Variants in RAP1GAP observed in about 807,000 individuals in gnomAD.
The protein encoded by RAP1GAP is rap1 GTPase-activating protein 1.
Under a neutral mutation model 87.2 loss-of-function variants are expected in RAP1GAP, and 35 were observed. That is an observed-to-expected ratio of 0.40 (90% confidence interval 0.31 to 0.53). The LOEUF (loss-of-function observed/expected upper bound fraction) is 0.53, where lower values mean the gene tolerates loss of function less well. RAP1GAP is among the 20% of genes least tolerant of loss of function. The pLI is 0.48. For missense variants in RAP1GAP, 734 were observed against 898.9 expected (o/e 0.82, Z 2.35); for synonymous variants, 375 against 363.9 (o/e 1.03, Z -0.35).
In RAP1GAP at chr1:21,617,943, G is replaced by T. The variant is rs202202306; in HGVS notation, c.96C>A (p.Ser32Arg). Residue 32 changes from serine to arginine, a missense_variant, in exon 6 of 25, where the codon AGC becomes AGA. This residue lies in a region of RAP1GAP where 485 missense variants were observed against 646.2 expected (regional missense o/e 0.75). Transcript: ENST00000374765. ...KTEEDYIPYPSVHEVLGREGP... is the reference protein window; with the variant it reads ...KTEEDYIPYPRVHEVLGREGP... ...GGTTCTAGCTGAGTACCTCGTGCAC[G>T]CTCGGGTATGGAATGTAGTCCTCCT... 1.2e-6 allele frequency: 2 copies of T among 1,614,104 alleles called. No individual in the cohort carries two copies. The highest frequency in any genetic ancestry group is 2.7e-5 in the African/African-American group (2 of 75,036).
At chr1:21,602,963 GC>G (rs3215988) in intron 18 of RAP1GAP, 50 bp from the exon 19 acceptor site, 977,046 of 1,292,248 alleles carry the variant, frequency 0.76, 373,054 homozygotes, top group South Asian at 0.78. Flanking sequence ...GAGCCCCAGT[GC>G]CCCCCCCACA....
In RAP1GAP at chr1:21,602,792, C is replaced by T. The variant is rs2069934408; in HGVS notation, c.1538+12G>A. On this transcript the variant is annotated intron_variant, in intron 19 of 24. Transcript: ENST00000374765. ...ATGCAGGGGAATGGGGCACTGTCCC[C>T]CACTCACCCACCTCTTCTCCTGCAC... 1 of 1,598,122 alleles carries T rather than the reference C, an allele frequency of 6.3e-7. No homozygotes were observed. Among genetic ancestry groups the T allele is most frequent in the Non-Finnish European group, 8.5e-7 (1 of 1,173,246 alleles).
At chr1:21,632,786 A>C (rs1435856190) in intron 2 of RAP1GAP, among the ~76,000 whole-genome samples, 1 of 152,020 alleles carries the variant, frequency 6.6e-6, no homozygotes, top group African/African-American at 2.4e-5. Flanking sequence ...CTATAGTCTC[A>C]GGCACTCAGG....
At chr1:21,604,792 G>C (rs1357583787) in intron 18 of RAP1GAP, among the ~76,000 whole-genome samples, 2 of 151,792 alleles carry the variant, frequency 1.3e-5, no homozygotes, top group East Asian at 3.9e-4. Context: ...TGGATGGATG[G>C]ATGGATCGGT....
intron 3 of RAP1GAP, among the ~76,000 whole-genome samples, chr1:21,621,103 C>T (rs2086986769): frequency 6.6e-6 from 1 of 152,150 alleles, no homozygotes; most frequent in Non-Finnish European, 1.5e-5. Context: ...GGTCCAAGTA[C>T]CAGGAGAGAT....
At position 21,596,305 on chromosome 1, in the gene RAP1GAP, G is replaced by C. The variant is rs1379501611; in HGVS notation, c.*994C>G. On this transcript the variant is annotated 3_prime_UTR_variant, in exon 25 of 25. Coordinates refer to ENST00000374765, the MANE Select transcript of RAP1GAP (RefSeq NM_002885.4). ...AGGGGCTTCCAAAATGGGTATTGGGGCCAGGAGGCTGGCCTTTGGCGTGAC... is the reference window on the plus strand; with the variant it reads ...AGGGGCTTCCAAAATGGGTATTGGGCCCAGGAGGCTGGCCTTTGGCGTGAC... The C allele has an allele frequency of 6.6e-6, 1 of 152,300 alleles. No homozygotes were observed. Among genetic ancestry groups the C allele is most frequent in the African/African-American group, 2.4e-5 (1 of 41,472 alleles). 9.4% of individuals were successfully genotyped at this position (152,300 alleles called of 1,614,324 possible).
intron 1 of RAP1GAP, 46 bp from the exon 2 acceptor site, chr1:21,649,842 C>T (rs756737162): frequency 1.6e-5 from 24 of 1,542,550 alleles, no homozygotes; most frequent in Non-Finnish European, 1.8e-6. Context: ...CATCCCTTCT[C>T]ACCAGCTTGG....
intron 3 of RAP1GAP, among the ~76,000 whole-genome samples, chr1:21,620,711 C>T (rs536521241): frequency 7.9e-5 from 12 of 152,184 alleles, no homozygotes; most frequent in Admixed American, 2.0e-4. Context: ...GCATCCCTGC[C>T]GGCTGGCCCG....
intron 1 of RAP1GAP, chr1:21,665,117 A>G (rs2097296928): frequency 2.8e-6 from 1 of 353,510 alleles, no homozygotes; most frequent in African/African-American, 2.1e-5. Context: ...GCTTGCATTC[A>G]CCTTCTTATC....
Position 21,613,802 on chromosome 1 carries a change from A to G in RAP1GAP, c.396-96T>C. The G allele has an allele frequency of 1.5e-6, 2 of 1,298,610 alleles. No individual in the cohort carries two copies. The highest frequency in any genetic ancestry group is 2.2e-6 in the Non-Finnish European group (2 of 901,448). 80.4% of individuals were successfully genotyped at this position (1,298,610 alleles called of 1,614,324 possible). On this transcript the variant is annotated intron_variant, in intron 8 of 24. Transcript: ENST00000374765. The surrounding 1 kb of genome is among the most constrained non-coding windows in gnomAD (Gnocchi z 4.7). ...AAGTAAGGCCAGAAGGGGGTGGACC[A>G]CAGCGAGGACCAGAGGTGATGATGG...
At chr1:21,649,321 G>A in intron 2 of RAP1GAP, among the ~76,000 whole-genome samples, 1 of 152,056 alleles carries the variant, frequency 6.6e-6, no homozygotes. Flanking sequence ...GGCTAAGGGA[G>A]CCCCAGCCCA....
chr1:21,606,054 GA>G lies in RAP1GAP; in HGVS notation c.1428+11del. 6.4e-7 allele frequency: 1 copy of G among 1,572,876 alleles called. No individual in the cohort carries two copies. Among genetic ancestry groups the G allele is most frequent in the Non-Finnish European group, 8.6e-7 (1 of 1,160,902 alleles). On this transcript the variant is annotated intron_variant, in intron 18 of 24. Coordinates refer to ENST00000374765, the MANE Select transcript of RAP1GAP (RefSeq NM_002885.4). ...GGAGGGGCCGGGGCCTGGGGAGGGGGAGGGCACTCACTATTCCAGCCGCCTT... is the reference window on the plus strand; with the variant it reads ...GGAGGGGCCGGGGCCTGGGGAGGGGGGGGCACTCACTATTCCAGCCGCCTT...
At chr1:21,660,351 ATT>A in intron 1 of RAP1GAP, among the ~76,000 whole-genome samples, 1 of 132,652 alleles carries the variant, frequency 7.5e-6, no homozygotes, top group African/African-American at 2.7e-5. Flanking sequence ...ATATATATTT[ATT>A]GAGACAGTCT....
At chr1:21,640,033 C>A (rs1415871951) in intron 2 of RAP1GAP, among the ~76,000 whole-genome samples, 1 of 152,178 alleles carries the variant, frequency 6.6e-6, no homozygotes, top group Non-Finnish European at 1.5e-5. Flanking sequence ...CGAGGCCCTG[C>A]GTGTCTGCTC....
rs569104286 is a variant in RAP1GAP, at chr1:21,634,958, C to T, written c.-112-8561G>A. On this transcript the variant is annotated intron_variant, in intron 2 of 24. Coordinates refer to ENST00000374765, the MANE Select transcript of RAP1GAP (RefSeq NM_002885.4). The surrounding 1 kb of genome is among the most constrained non-coding windows in gnomAD (Gnocchi z 4.1). ...TGCCGGGCAACAACATCATCTGCTTCCCTAGCCTGGCACTTTCCAGTTTAC... is the reference window on the plus strand; with the variant it reads ...TGCCGGGCAACAACATCATCTGCTTTCCTAGCCTGGCACTTTCCAGTTTAC... Among the ~76,000 whole-genome samples the T allele has an allele frequency of 6.6e-6, 1 of 152,346 alleles. No homozygotes were observed. Among genetic ancestry groups the T allele is most frequent in the South Asian group, 2.1e-4 (1 of 4,832 alleles).
chr1:21,643,905 A>C (rs1558845863), intron 2 of RAP1GAP, among the ~76,000 whole-genome samples: 1 of 152,260 alleles, frequency 6.6e-6, no homozygotes, highest in Admixed American at 6.5e-5. Context: ...ATTCCCATGC[A>C]TCTCAGACAA....
At chr1:21,597,340 G>T in intron 24 of RAP1GAP, 76 bp from the exon 25 acceptor site, 1 of 245,174 alleles carries the variant, frequency 4.1e-6, no homozygotes. Context: ...CCCCAACTCT[G>T]CCAAGTCCCT....
chr1:21,622,085 G>T lies in RAP1GAP; in HGVS notation c.-18-2035C>A, dbSNP rs969593337. 2.0e-5 allele frequency among the ~76,000 whole-genome samples: 3 copies of T among 152,124 alleles called. No individual in the cohort carries two copies. The highest frequency in any genetic ancestry group is 7.2e-5 in the African/African-American group (3 of 41,436). On this transcript the variant is annotated intron_variant, in intron 3 of 24. Transcript: ENST00000374765. This position sits in a 1 kb window ranked among gnomAD's most constrained non-coding sequence, Gnocchi z 5.7. ...GGTAAAGTGGTCCCGACGGTAGCAC[G>T]CACCCACACACACCCTGCCGCTGCA...
At chr1:21,652,741 C>T (rs1349973885) in intron 1 of RAP1GAP, among the ~76,000 whole-genome samples, 1 of 152,188 alleles carries the variant, frequency 6.6e-6, no homozygotes, top group Non-Finnish European at 1.5e-5. Context: ...GTCCAGCGCT[C>T]TTCCTCAGAG....
Sources: gnomAD v4.1 joint callset for allele counts (sites outside exome capture counted in the v4.1 genomes callset) on GRCh38, gnomAD v4.1.1 for gene constraint, gnomAD v4.1.1 regional missense constraint, Gnocchi (gnomAD v3.1) non-coding constraint, MANE v1.5 for transcripts, NCBI Gene and HGNC (gene_info 2026-07-23, HGNC 2026-07-21) for gene names.